Variants in PANK3 observed in about 807,000 individuals in gnomAD.
PANK3 encodes the protein hPanK3.
PANK3 carries 20 observed loss-of-function variants against 39.4 expected under a neutral mutation model. The observed-to-expected ratio is 0.51, with a 90% confidence interval of 0.36 to 0.74. The LOEUF (loss-of-function observed/expected upper bound fraction) is 0.74. PANK3 is among the 30% of genes least tolerant of loss of function. PANK3 has a pLI of 0.00. For synonymous variants in PANK3, 140 were observed against 157.3 expected (o/e 0.89, Z 0.82); for missense variants, 265 against 437.0 (o/e 0.61, Z 3.51).
chr5:168,578,288 G>T (rs546733151), intron 1 of PANK3, among the ~76,000 whole-genome samples: 18 of 152,234 alleles, frequency 1.2e-4, no homozygotes, highest in African/African-American at 4.3e-4. Context: ...TGCCTCTCAG[G>T]TGAGTTTTAC....
chr5:168,570,151 G>A (rs1196446531), intron 1 of PANK3, among the ~76,000 whole-genome samples: 2 of 152,156 alleles, frequency 1.3e-5, no homozygotes, highest in Admixed American at 1.3e-4. Context: ...GGGAGGCCGA[G>A]ACGGGTGGAT....
At position 168,550,501 on chromosome 5, in the gene PANK3, AT is replaced by A. The variant is rs1759260028; in HGVS notation, c.*7069del. The A allele has an allele frequency of 1.3e-5, 2 of 152,212 alleles. No individual in the cohort carries two copies. The highest frequency in any genetic ancestry group is 4.8e-5 in the African/African-American group (2 of 41,450). The allele number at this position is 152,212 out of a possible 1,614,324, so 9.4% of individuals were successfully genotyped here. ...TAAAAATTCCAGATAACCTTTACAG[AT>A]TTAAAAGTACAAACATTTTAATATA... On this transcript the variant is annotated 3_prime_UTR_variant, in exon 7 of 7. Coordinates refer to ENST00000239231, the MANE Select transcript of PANK3 (RefSeq NM_024594.4).
chr5:168,561,587 C>T (rs749721996), intron 4 of PANK3, 71 bp from the exon 5 acceptor site: 11 of 1,264,782 alleles, frequency 8.7e-6, no homozygotes, highest in Non-Finnish European at 1.1e-5. Flanking sequence ...ACAGATATAT[C>T]TACAACCTGG....
chr5:168,557,253 G>C lies in PANK3; in HGVS notation c.*318C>G. On this transcript the variant is annotated 3_prime_UTR_variant, in exon 7 of 7. Coordinates refer to ENST00000239231, the MANE Select transcript of PANK3 (RefSeq NM_024594.4). ...TTATTTTCATAAGCTAAACAGTTCC[G>C]ATACTTTAAGATTTGTGTTTGAGCA... 1 of 187,160 alleles carries C rather than the reference G, an allele frequency of 5.3e-6. No individual in the cohort carries two copies. Among genetic ancestry groups the C allele is most frequent in the African/African-American group, 2.4e-5 (1 of 42,462 alleles). The allele number at this position is 187,160 out of a possible 1,614,324, so 11.6% of individuals were successfully genotyped here. A position where few individuals can be genotyped will look rare whatever the true frequency, so the allele number is the denominator to read the frequency against.
At chr5:168,564,610 A>G (rs983377393) in intron 3 of PANK3, among the ~76,000 whole-genome samples, 5 of 152,036 alleles carry the variant, frequency 3.3e-5, no homozygotes, top group African/African-American at 1.2e-4. Context: ...ATATATGTAT[A>G]TATTTTTGTA....
At chr5:168,558,160 T>A (rs1048559073) in intron 6 of PANK3, among the ~76,000 whole-genome samples, 1 of 150,656 alleles carries the variant, frequency 6.6e-6, no homozygotes, top group African/African-American at 2.5e-5. Flanking sequence ...AAGCTTTTTT[T>A]TTTTTTTTTT....
intron 6 of PANK3, 103 bp downstream of exon 6, chr5:168,558,929 A>G (rs996505015): frequency 5.3e-6 from 6 of 1,121,986 alleles, no homozygotes; most frequent in East Asian, 2.6e-5. Flanking sequence ...GGCTGCAGTA[A>G]GCCATCATTG....
chr5:168,563,848 C>T (rs772817620), intron 4 of PANK3, 41 bp downstream of exon 4: 17 of 1,522,404 alleles, frequency 1.1e-5, no homozygotes, highest in Admixed American at 2.1e-5. Context: ...ACTTGAATTA[C>T]TTAACTTCTG....
chr5:168,575,053 C>T (rs983061720), intron 1 of PANK3, among the ~76,000 whole-genome samples: 6 of 151,388 alleles, frequency 4.0e-5, no homozygotes, highest in African/African-American at 1.5e-4. Flanking sequence ...AAAAAAAGAA[C>T]CAAAATACAC....
intron 3 of PANK3, 112 bp downstream of exon 3, chr5:168,565,901 G>C: frequency 1.6e-5 from 8 of 505,030 alleles, no homozygotes; most frequent in Non-Finnish European, 2.4e-5. Flanking sequence ...TTTTTTTGCT[G>C]TTGTGCAAAT....
At chr5:168,559,818 T>C (rs529954576) in intron 5 of PANK3, among the ~76,000 whole-genome samples, 2 of 152,282 alleles carry the variant, frequency 1.3e-5, no homozygotes, top group South Asian at 2.1e-4. Flanking sequence ...TTCTACAGAA[T>C]TGGAGAGTAA....
intron 3 of PANK3, 95 bp downstream of exon 3, chr5:168,565,918 T>C: frequency 3.1e-6 from 3 of 971,892 alleles, no homozygotes; most frequent in South Asian, 2.8e-5. Context: ...AAATACATGC[T>C]CTTTTACTGG....
In PANK3 at chr5:168,549,171, C is replaced by T. The variant is rs929367257; in HGVS notation, c.*8400G>A. 1 of 152,096 alleles carries T rather than the reference C, an allele frequency of 6.6e-6. No homozygotes were observed. The highest frequency in any genetic ancestry group is 1.5e-5 in the Non-Finnish European group (1 of 68,018). The allele number at this position is 152,096 out of a possible 1,614,324, so 9.4% of individuals were successfully genotyped here. A position where few individuals can be genotyped will look rare whatever the true frequency, so the allele number is the denominator to read the frequency against. ...AAAACCATCTTAATATTGCTTACAT[C>T]CTAATACTATTAGTTATATTCGGGG... On this transcript the variant is annotated 3_prime_UTR_variant, in exon 7 of 7. Transcript: ENST00000239231.
chr5:168,576,310 A>C (rs1364032890), intron 1 of PANK3, among the ~76,000 whole-genome samples: 2 of 152,238 alleles, frequency 1.3e-5, no homozygotes, highest in African/African-American at 4.8e-5. Context: ...AATAAAGCAC[A>C]AACTCAAAAC....
intron 1 of PANK3, among the ~76,000 whole-genome samples, chr5:168,569,356 T>G (rs6899085): frequency 0.13 from 19,533 of 150,410 alleles, 1,694 homozygotes; most frequent in Non-Finnish European, 0.19. Flanking sequence ...GCCTAATTTT[T>G]TTTTTTTTTG....
chr5:168,563,591 T>C (rs2113114451), intron 4 of PANK3, among the ~76,000 whole-genome samples: 1 of 152,164 alleles, frequency 6.6e-6, no homozygotes, highest in African/African-American at 2.4e-5. Flanking sequence ...TAGTATGCCA[T>C]ATAATGGTAG....
Position 168,566,190 on chromosome 5 carries a change from C to A in PANK3, c.458G>T (p.Ser153Ile). ...VKGLLYIDSV[S>I]FNGQAECYYF... ...ATAGCACTCGGCTTGTCCATTGAAA[C>A]TGACAGAGTCTATATACAGCAAGCC... is the stretch of plus-strand genomic sequence containing the variant. The change falls in exon 3 of 7, where the codon AGT (serine) becomes ATT (isoleucine). Residue 153 changes from serine (S) to isoleucine (I), a missense_variant. By Grantham distance (142) the Ser-to-Ile change is moderately radical. Around this residue, in one of 3 missense-constraint regions of PANK3, gnomAD observed 154 missense variants for 256.8 expected, o/e 0.60. Transcript: ENST00000239231. 1 of 1,614,062 alleles carries A rather than the reference C, an allele frequency of 6.2e-7. No individual in the cohort carries two copies. The highest frequency in any genetic ancestry group is 2.2e-5 in the East Asian group (1 of 44,858).
chr5:168,575,551 C>T (rs11952273), intron 1 of PANK3, among the ~76,000 whole-genome samples: 5,120 of 152,146 alleles, frequency 0.034, 253 homozygotes, highest in African/African-American at 0.11. Context: ...GTAATCCCAG[C>T]GGGAGGGTCA....
At chr5:168,572,017 G>A (rs1380619703) in intron 1 of PANK3, among the ~76,000 whole-genome samples, 1 of 151,740 alleles carries the variant, frequency 6.6e-6, no homozygotes, top group Non-Finnish European at 1.5e-5. Flanking sequence ...ACTTCATCAC[G>A]TCAACTATAA....
Sources: allele counts gnomAD v4.1 joint callset (sites outside exome capture counted in the v4.1 genomes callset), GRCh38; gene constraint gnomAD v4.1.1; regional missense constraint gnomAD v4.1.1; transcripts MANE v1.5; gene names NCBI Gene and HGNC (gene_info 2026-07-23, HGNC 2026-07-21).